POMT1: variants seen among roughly 807,000 people sequenced by gnomAD.
POMT1 encodes the protein protein O-mannosyl-transferase 1.
Under a neutral mutation model 101.6 loss-of-function variants are expected in POMT1, and 85 were observed. The observed-to-expected ratio is 0.84, with a 90% CI of 0.70 to 1.00. The LOEUF is 1.00. Among genes scored for constraint, POMT1 ranks in the 50% least tolerant of loss-of-function variants. The pLI is 0.00. For synonymous variants in POMT1, 371 were observed against 383.0 expected, an observed-to-expected ratio of 0.97 and a Z score of 0.37; for missense variants, 857 against 930.4, an observed-to-expected ratio of 0.92 and a Z score of 1.03.
chr9:131,508,872 GCTAC>G, intron 5 of POMT1, 35 bp from the exon 6 acceptor site: 1 of 1,438,920 alleles, frequency 6.9e-7, no homozygotes. Flanking sequence ...GTTTTCCCTT[GCTAC>G]CTTAAAATTG....
At chr9:131,509,137 A>G in intron 6 of POMT1, 115 bp downstream of exon 6, 2 of 753,362 alleles carry the variant, frequency 2.7e-6, no homozygotes, top group Non-Finnish European at 4.6e-6. Context: ...GTACCTTTTC[A>G]TTTTGAGGAG....
Position 131,507,398 on chromosome 9 carries a change from T to C in POMT1, c.311T>C (p.Leu104Pro). The C allele has an allele frequency of 6.2e-7, 1 of 1,614,224 alleles. No homozygotes were observed. The highest frequency in any genetic ancestry group is 1.1e-5 in the South Asian group (1 of 91,084). The change falls in exon 5 of 20, where the codon CTG (leucine) becomes CCG (proline). Residue 104 changes from leucine (L) to proline (P), a missense_variant. Physicochemically the swap from Leu to Pro is moderately conservative, Grantham distance 98. Transcript: ENST00000402686. The part of the protein sequence containing the change: ...EYSSNVPVWS[L>P]RLLPALAGAL... The stretch of plus-strand genomic sequence containing the variant: ...AGTAGCAACGTGCCTGTGTGGTCCC[T>C]GCGCCTGCTGCCAGCACTCGCGGGG...
At position 131,513,262 on chromosome 9, in the gene POMT1, C is replaced by T; in HGVS notation, c.1106C>T (p.Pro369Leu). ...AGGCACCAGCTGGTGGTGAGCAGCC[C>T]TCCGAGACCTGTGAGGCACGGGGAC... The part of the protein sequence containing the change: ...PRRHQLVVSS[P>L]PRPVRHGDMV... Residue 369 changes from proline to leucine, a missense_variant, in exon 12 of 20, where the codon CCT becomes CTT. Pro to Leu is a moderately conservative substitution (Grantham distance 98). Transcript: ENST00000402686. 1.2e-6 allele frequency: 2 copies of T among 1,613,064 alleles called. No individual in the cohort carries two copies. Among genetic ancestry groups the T allele is most frequent in the Non-Finnish European group, 1.7e-6 (2 of 1,180,002 alleles).
At position 131,515,285 on chromosome 9, in the gene POMT1, G is replaced by A. The variant is rs137856613; in HGVS notation, c.1176-141G>A. Reference sequence around the variant, plus strand: ...CTCAAGACCTCCGTCCTCAGTAGCAGCAACTCATGGGACTGGGCCACCCCT... The same window carrying A: ...CTCAAGACCTCCGTCCTCAGTAGCAACAACTCATGGGACTGGGCCACCCCT... On this transcript the variant is annotated intron_variant, in intron 12 of 19. Transcript: ENST00000402686. The A allele has an allele frequency of 2.3e-4, 184 of 817,048 alleles. No individual in the cohort carries two copies. In the African/African-American group the frequency reaches 2.3e-3, roughly 10 times the overall value. The allele number at this position is 817,048 out of a possible 1,614,324, so 50.6% of individuals were successfully genotyped here. A position where few individuals can be genotyped will look rare whatever the true frequency, so the allele number is the denominator to read the frequency against.
chr9:131,518,413 A>G, intron 13 of POMT1, 32 bp from the exon 14 acceptor site: 1 of 1,551,306 alleles, frequency 6.4e-7, no homozygotes, highest in Non-Finnish European at 8.9e-7. Context: ...TTTGAAAAGG[A>G]ATGAAATAAT....
chr9:131,506,691 C>A, intron 4 of POMT1: 1 of 547,570 alleles, frequency 1.8e-6, no homozygotes, highest in Non-Finnish European at 3.3e-6. Context: ...CAGCCCTTGT[C>A]GTTGGTACAC....
intron 2 of POMT1, 105 bp from the exon 3 acceptor site, chr9:131,506,009 C>T: frequency 6.8e-7 from 1 of 1,479,606 alleles, no homozygotes; most frequent in Non-Finnish European, 9.3e-7. Flanking sequence ...TTGCTGATCA[C>T]TCACTCAAAG....
chr9:131,522,282 C>T lies in POMT1; in HGVS notation c.2003+58C>T. On this transcript the variant is annotated intron_variant, in intron 19 of 19. Coordinates refer to ENST00000402686, the MANE Select transcript of POMT1 (RefSeq NM_001077365.2). This position sits in a 1 kb window ranked among gnomAD's most constrained non-coding sequence, Gnocchi z 5.5. ...GGCAGCAGCCCTCTGCTGGGAAGCCCATGCGCAGCAAACACATGGGGTGCA... is the reference window on the plus strand; with the variant it reads ...GGCAGCAGCCCTCTGCTGGGAAGCCTATGCGCAGCAAACACATGGGGTGCA... 1 of 1,604,516 alleles carries T rather than the reference C, an allele frequency of 6.2e-7. No homozygotes were observed. Among genetic ancestry groups the T allele is most frequent in the Non-Finnish European group, 8.5e-7 (1 of 1,179,252 alleles).
At position 131,522,966 on chromosome 9, in the gene POMT1, G is replaced by C. The variant is rs1469534474; in HGVS notation, c.2038G>C (p.Val680Leu). The change falls in exon 20 of 20, where the codon GTG (valine) becomes CTG (leucine). Residue 680 changes from valine (V) to leucine (L), a missense_variant. Physicochemically the swap from Val to Leu is conservative, Grantham distance 32. Transcript: ENST00000402686. This position sits in a 1 kb window ranked among gnomAD's most constrained non-coding sequence, Gnocchi z 5.5. ...QLQRSIFSALVVAWYSSACHV... is the reference protein window; with the variant it reads ...QLQRSIFSALLVAWYSSACHV... ...CCAGAGGAGCATCTTCAGCGCCCTG[G>C]TGGTGGCCTGGTACTCCTCCGCGTG... The C allele has an allele frequency of 3.7e-6, 6 of 1,601,406 alleles. No homozygotes were observed. Among genetic ancestry groups the C allele is most frequent in the African/African-American group, 1.3e-5 (1 of 74,758 alleles).
Position 131,506,427 on chromosome 9 carries a change from AT to A in POMT1, c.260del (p.Leu87CysfsTer36). The A allele has an allele frequency of 1.2e-6, 2 of 1,613,106 alleles. No individual in the cohort carries two copies. Among genetic ancestry groups the A allele is most frequent in the Non-Finnish European group, 1.7e-6 (2 of 1,179,100 alleles). Reference sequence around the variant, plus strand: ...GGTTATTTAGGAGGATTCGATGGCAATTTTTTGTGGAACAGAATTGGAGCAG... The same window carrying A: ...GGTTATTTAGGAGGATTCGATGGCAATTTTTGTGGAACAGAATTGGAGCAG... ...LGGYLGGFDG[N>X]FLWNRIGAEY... On this transcript the variant is annotated frameshift_variant, in exon 4 of 20. Coordinates refer to ENST00000402686, the MANE Select transcript of POMT1 (RefSeq NM_001077365.2). LOFTEE classifies it high-confidence loss of function.
At chr9:131,517,452 A>T (rs981436107) in intron 13 of POMT1, among the ~76,000 whole-genome samples, 19 of 152,064 alleles carry the variant, frequency 1.2e-4, no homozygotes, top group African/African-American at 4.3e-4. Context: ...GATTTTTAAA[A>T]TTTTTTGTGG....
At chr9:131,510,792 C>T (rs1946953796) in intron 9 of POMT1, 3 of 346,882 alleles carry the variant, frequency 8.6e-6, no homozygotes, top group South Asian at 7.2e-5. Context: ...AGGCGTGAGC[C>T]ACCGCGCCTG....
In POMT1 at chr9:131,519,473, T is replaced by G. The variant is rs138825095; in HGVS notation, c.1571T>G (p.Phe524Cys). Residue 524 changes from phenylalanine to cysteine, a missense_variant, in exon 16 of 20, where the codon TTC becomes TGC. Physicochemically the swap from Phe to Cys is radical, Grantham distance 205. Transcript: ENST00000402686. The surrounding 1 kb of genome is among the most constrained non-coding windows in gnomAD (Gnocchi z 4.3). The stretch of plus-strand genomic sequence containing the variant: ...AGGAACCTCAGCTTCATGGCGAGAT[T>G]CTCGGAGCTGCAGGTGAGGAGCGGC... ...VSRNLSFMAR[F>C]SELQWRMLAL... 2.6e-6 allele frequency: 4 copies of G among 1,550,410 alleles called. No homozygotes were observed. The African/African-American group carries it at 5.5e-5, about 21-fold the overall frequency.
rs1369943587 is a variant in POMT1 at position 131,515,481 on chromosome 9, G to T, written c.1231G>T (p.Asp411Tyr). 6.2e-7 allele frequency: 1 copy of T among 1,614,230 alleles called. No individual in the cohort carries two copies. The highest frequency in any genetic ancestry group is 8.5e-7 in the Non-Finnish European group (1 of 1,180,044). ...PHSQEVSCYI[D>Y]YNISMPAQNL... Reference sequence around the variant, plus strand: ...TTCACAGGAGGTCTCCTGCTACATTGACTATAACATCTCCATGCCCGCCCA... The same window carrying T: ...TTCACAGGAGGTCTCCTGCTACATTTACTATAACATCTCCATGCCCGCCCA... The change falls in exon 13 of 20, where the codon GAC becomes TAC. Residue 411 changes from aspartate (D) to tyrosine (Y), a missense_variant. Asp to Tyr is a radical substitution (Grantham distance 160). Coordinates refer to ENST00000402686, the MANE Select transcript of POMT1 (RefSeq NM_001077365.2).
chr9:131,518,790 G>T (rs764772402), intron 14 of POMT1, 47 bp from the exon 15 acceptor site: 4 of 1,613,684 alleles, frequency 2.5e-6, no homozygotes, highest in South Asian at 2.2e-5. Flanking sequence ...GGACACGGGA[G>T]CCACGGCCTT....
intron 12 of POMT1, among the ~76,000 whole-genome samples, chr9:131,514,519 C>G (rs1006345004): frequency 6.6e-6 from 1 of 152,258 alleles, no homozygotes; most frequent in Non-Finnish European, 1.5e-5. Context: ...CCTACAGGTG[C>G]ACGCTCTGCC....
chr9:131,520,049 C>A, intron 16 of POMT1, 31 bp from the exon 17 acceptor site: 1 of 1,582,116 alleles, frequency 6.3e-7, no homozygotes, highest in Non-Finnish European at 8.7e-7. Context: ...ATCCCCCATC[C>A]TCAATCTCAG....
chr9:131,521,303 A>G (rs1366290264), intron 17 of POMT1, 43 bp from the exon 18 acceptor site: 2 of 1,613,460 alleles, frequency 1.2e-6, no homozygotes, highest in East Asian at 4.5e-5. Context: ...TCCCTCCCTG[A>G]GCAGAGGGCA....
intron 1 of POMT1, 129 bp from the exon 2 acceptor site, chr9:131,504,060 C>A: frequency 9.1e-7 from 1 of 1,099,890 alleles, no homozygotes; most frequent in Non-Finnish European, 1.4e-6. Flanking sequence ...GCTCCAGGAA[C>A]TTCGGTCTTT....
Sources: allele counts gnomAD v4.1 joint callset (sites outside exome capture counted in the v4.1 genomes callset), GRCh38; gene constraint gnomAD v4.1.1; non-coding constraint Gnocchi (gnomAD v3.1); transcripts MANE v1.5; gene names NCBI Gene and HGNC (gene_info 2026-07-23, HGNC 2026-07-21).